The following PRKN variants were observed in gnomAD, a reference collection of about 807,000 sequenced individuals.
PRKN encodes E3 ubiquitin-protein ligase parkin.
A neutral mutation model predicts 59.5 loss-of-function variants in PRKN; 56 were observed. The ratio of observed to expected loss-of-function variants is 0.94; its 90% CI spans 0.76 to 1.18. The LOEUF (loss-of-function observed/expected upper bound fraction) is 1.18, where lower values mean the gene tolerates loss of function less well. Among genes scored for constraint, PRKN ranks in the 50% most tolerant of loss-of-function variants. The probability of loss-of-function intolerance (pLI) is 0.00; values close to 1 mark genes in which losing one functional copy is unlikely to be tolerated. For synonymous variants in PRKN, 250 were observed against 222.1 expected, an observed-to-expected ratio of 1.13 and a Z score of -1.12; for missense variants, 657 against 596.4, an observed-to-expected ratio of 1.10 and a Z score of -1.06.
At chr6:161,875,102 G>GTA (rs1369743190) in intron 6 of PRKN, among the ~76,000 whole-genome samples, 12 of 118,764 alleles carry the variant, frequency 1.0e-4, no homozygotes, top group South Asian at 8.1e-4. Context: ...TATATATAAA[G>GTA]TATATATATT....
At chr6:161,633,916 T>G (rs1783409308) in intron 7 of PRKN, among the ~76,000 whole-genome samples, 1 of 151,704 alleles carries the variant, frequency 6.6e-6, no homozygotes, top group South Asian at 2.1e-4. Flanking sequence ...ATTAAAATGA[T>G]TATGGGCTAA....
At chr6:161,374,772 A>G (rs984589158) in intron 10 of PRKN, among the ~76,000 whole-genome samples, 1 of 57,546 alleles carries the variant, frequency 1.7e-5, no homozygotes, top group Non-Finnish European at 3.8e-5. Flanking sequence ...AGCTGTGACA[A>G]TAAGTTTCTA....
At position 162,727,720 on chromosome 6, in the gene PRKN, C is replaced by A. The variant is rs1308078443; in HGVS notation, c.-52G>T. On this transcript the variant is annotated 5_prime_UTR_variant, in exon 1 of 12. Coordinates refer to ENST00000366898, the MANE Select transcript of PRKN (RefSeq NM_004562.3). ...GCCAGGAACAGGCCCATGCGCGCAG[C>A]GGCGCCAGCCGCGCCTCCCACCAGC... 1.3e-6 allele frequency: 2 copies of A among 1,544,094 alleles called. No homozygotes were observed. Among genetic ancestry groups the A allele is most frequent in the Non-Finnish European group, 1.8e-6 (2 of 1,141,596 alleles).
rs574924480 is a variant in PRKN at position 161,472,824 on chromosome 6, AT to A, written c.1083+76029del. 3.1e-3 allele frequency among the ~76,000 whole-genome samples: 479 copies of A among 152,306 alleles called. 1 individual carries two copies. Among genetic ancestry groups the A allele is most frequent in the South Asian group, 7.9e-3 (38 of 4,828 alleles). On this transcript the variant is annotated intron_variant, in intron 9 of 11. Transcript: ENST00000366898. ...ATAGCAAAAAACCCCAAATAACCTG[AT>A]TAAAAAACGGACAAAGAGCCTGAAT...
intron 4 of PRKN, among the ~76,000 whole-genome samples, chr6:162,182,813 G>A (rs1051738410): frequency 2.6e-5 from 4 of 152,132 alleles, no homozygotes; most frequent in African/African-American, 9.7e-5. Flanking sequence ...AACAGCATAT[G>A]CTCATTTTGT....
rs148902385 is a variant in PRKN, at chr6:162,007,440, T to C, written c.619-34023A>G. Among the ~76,000 whole-genome samples, 1,013 of 152,312 alleles carry C rather than the reference T, an allele frequency of 6.7e-3. 13 individuals carry two copies. Among genetic ancestry groups the C allele is most frequent in the African/African-American group, 0.022 (898 of 41,562 alleles). ...CGTCCCAGAGTATAATGTGATAGTA[T>C]GACACATGTTTCTTGAGCTAGGGAT... On this transcript the variant is annotated intron_variant, in intron 5 of 11. Coordinates refer to ENST00000366898, the MANE Select transcript of PRKN (RefSeq NM_004562.3).
intron 7 of PRKN, among the ~76,000 whole-genome samples, chr6:161,672,660 C>A (rs1784951859): frequency 6.6e-6 from 1 of 152,092 alleles, no homozygotes; most frequent in Admixed American, 6.5e-5. Flanking sequence ...TCTGTAATCC[C>A]AGCTATTTGG....
At chr6:162,435,817 C>T (rs578208687) in intron 2 of PRKN, among the ~76,000 whole-genome samples, 99 of 152,190 alleles carry the variant, frequency 6.5e-4, no homozygotes, top group Non-Finnish European at 1.1e-3. Context: ...TAAATCACTG[C>T]GTGACTGTGC....
intron 2 of PRKN, among the ~76,000 whole-genome samples, chr6:162,420,280 G>C (rs534864216): frequency 6.3e-4 from 95 of 151,726 alleles, no homozygotes; most frequent in Non-Finnish European, 8.5e-4. Flanking sequence ...GGGGACTCCT[G>C]GTGTAAAGCA....
intron 1 of PRKN, among the ~76,000 whole-genome samples, chr6:162,513,603 T>C (rs550445998): frequency 8.5e-4 from 129 of 152,212 alleles, no homozygotes; most frequent in African/African-American, 3.0e-3. Context: ...AAGTGATAGC[T>C]TTTCATGACT....
intron 7 of PRKN, among the ~76,000 whole-genome samples, chr6:161,687,194 C>G (rs1562608300): frequency 6.6e-6 from 1 of 151,536 alleles, no homozygotes; most frequent in Admixed American, 6.6e-5. Context: ...CGAGACTAGT[C>G]TGGCCAACAT....
intron 2 of PRKN, among the ~76,000 whole-genome samples, chr6:162,388,954 CTT>C (rs1162169284): frequency 7.4e-6 from 1 of 135,330 alleles, no homozygotes; most frequent in Non-Finnish European, 1.5e-5. Flanking sequence ...ACCCCAGACA[CTT>C]TTTGTCCCCA....
chr6:161,491,532 C>G (rs9355905), intron 9 of PRKN, among the ~76,000 whole-genome samples: 62,824 of 151,874 alleles, frequency 0.41, 15,881 homozygotes, highest in Middle Eastern at 0.58. Context: ...TCAGTGCTGG[C>G]ATATTAGGTA....
At chr6:161,610,904 A>G (rs1362449803) in intron 7 of PRKN, among the ~76,000 whole-genome samples, 1 of 152,186 alleles carries the variant, frequency 6.6e-6, no homozygotes, top group Non-Finnish European at 1.5e-5. Context: ...GAAGAGGTAG[A>G]GAGGAATCTG....
In PRKN at chr6:162,723,624, T is replaced by C. The variant is rs111343406; in HGVS notation, c.7+4038A>G. Among the ~76,000 whole-genome samples, 786 of 152,288 alleles carry C rather than the reference T, an allele frequency of 5.2e-3. 7 individuals carry two copies. Among genetic ancestry groups the C allele is most frequent in the African/African-American group, 0.017 (719 of 41,554 alleles). On this transcript the variant is annotated intron_variant, in intron 1 of 11. Transcript: ENST00000366898. Reference sequence around the variant, plus strand: ...GGAGGCTTTAGATAGGCTTGTAAAATTGGGCAACTTATTTTGGAAAAATTT... The same window carrying C: ...GGAGGCTTTAGATAGGCTTGTAAAACTGGGCAACTTATTTTGGAAAAATTT...
At chr6:161,865,723 G>A (rs1244520751) in intron 6 of PRKN, among the ~76,000 whole-genome samples, 6 of 152,176 alleles carry the variant, frequency 3.9e-5, no homozygotes, top group African/African-American at 1.4e-4. Context: ...CTCTGGATTA[G>A]GTTTTGGCTT....
intron 5 of PRKN, among the ~76,000 whole-genome samples, chr6:162,009,121 T>C (rs970937974): frequency 1.3e-5 from 2 of 151,642 alleles, no homozygotes; most frequent in Non-Finnish European, 2.9e-5. Context: ...GGTGTGGTGG[T>C]GTGACCCTGT....
intron 6 of PRKN, among the ~76,000 whole-genome samples, chr6:161,890,916 A>G (rs764158386): frequency 2.0e-5 from 3 of 152,202 alleles, no homozygotes; most frequent in Non-Finnish European, 2.9e-5. Flanking sequence ...AGTACACTAG[A>G]TGCCAGGCGG....
chr6:162,154,577 G>T (rs1334704838), intron 4 of PRKN, among the ~76,000 whole-genome samples: 3 of 151,580 alleles, frequency 2.0e-5, no homozygotes, highest in African/African-American at 7.3e-5. Flanking sequence ...AATGGCACTT[G>T]CCCAGGTCTG....
Sources: gnomAD v4.1 joint callset for allele counts (sites outside exome capture counted in the v4.1 genomes callset) on GRCh38, gnomAD v4.1.1 for gene constraint, MANE v1.5 for transcripts, NCBI Gene and HGNC (gene_info 2026-07-23, HGNC 2026-07-21) for gene names.